PTPRT: variants seen among roughly 807,000 people sequenced by gnomAD.
PTPRT encodes protein tyrosine phosphatase receptor type T.
Under a neutral mutation model 176.8 loss-of-function variants are expected in PTPRT, and 56 were observed. That is an observed-to-expected ratio of 0.32 (90% CI 0.26 to 0.40). The LOEUF is 0.40. Ranked by LOEUF, PTPRT falls within the 10% of genes least tolerant of loss-of-function variation. The pLI, the probability that PTPRT is intolerant of heterozygous loss-of-function variation, is 1.00. For missense variants in PTPRT, 1,540 were observed against 1,908.2 expected, an observed-to-expected ratio of 0.81 and a Z score of 3.60; for synonymous variants, 783 against 739.0, an observed-to-expected ratio of 1.06 and a Z score of -0.96.
chr20:43,057,175 T>C (rs962299704), intron 1 of PTPRT, among the ~76,000 whole-genome samples: 12 of 138,558 alleles, frequency 8.7e-5, no homozygotes, highest in Non-Finnish European at 1.7e-4. Flanking sequence ...TTTGTGGTCA[T>C]GGGTCAGTTC....
intron 1 of PTPRT, among the ~76,000 whole-genome samples, chr20:42,894,367 A>G (rs1356622034): frequency 6.6e-6 from 1 of 152,202 alleles, no homozygotes; most frequent in Non-Finnish European, 1.5e-5. Context: ...ACAGATCCCA[A>G]CTAGATCTGA....
At chr20:42,124,682 T>C (rs150428998) in intron 19 of PTPRT, among the ~76,000 whole-genome samples, 1 of 152,324 alleles carries the variant, frequency 6.6e-6, no homozygotes, top group Non-Finnish European at 1.5e-5. Flanking sequence ...AGTGAGGACC[T>C]AGTTAGCTGT....
chr20:42,799,271 G>A (rs1276326524), intron 2 of PTPRT, among the ~76,000 whole-genome samples: 1 of 151,892 alleles, frequency 6.6e-6, no homozygotes, highest in Non-Finnish European at 1.5e-5. Context: ...GGAGAGAAGA[G>A]GCAAAAGATT....
At chr20:42,180,310 G>T (rs549766539) in intron 16 of PTPRT, among the ~76,000 whole-genome samples, 79 of 151,840 alleles carry the variant, frequency 5.2e-4, no homozygotes, top group Middle Eastern at 3.4e-3. Flanking sequence ...TGCCTTGGGA[G>T]CCTCTAATAG....
chr20:42,118,530 G>C (rs754664143), intron 20 of PTPRT, 30 bp from the exon 21 acceptor site: 54 of 1,569,332 alleles, frequency 3.4e-5, no homozygotes, highest in Non-Finnish European at 4.2e-5. Context: ...TGAGGTTAGA[G>C]AATGCAAGTG....
chr20:42,877,182 C>G (rs1026365199), intron 2 of PTPRT, among the ~76,000 whole-genome samples: 1 of 151,538 alleles, frequency 6.6e-6, no homozygotes, highest in Admixed American at 6.6e-5. Context: ...GGGAGATCAA[C>G]AAGCAAGAAG....
At chr20:42,996,404 TGG>T (rs1263150519) in intron 1 of PTPRT, among the ~76,000 whole-genome samples, 1 of 152,058 alleles carries the variant, frequency 6.6e-6, no homozygotes, top group African/African-American at 2.4e-5. Flanking sequence ...AACCCAAACA[TGG>T]GGTAAAGAAG....
chr20:42,617,675 T>A lies in PTPRT; in HGVS notation c.1153+60191A>T. Among the ~76,000 whole-genome samples, 2 of 139,190 alleles carry A rather than the reference T, an allele frequency of 1.4e-5. 1 individual carries two copies. The highest frequency in any genetic ancestry group is 3.0e-5 in the Non-Finnish European group (2 of 66,078). 91.3% of individuals were successfully genotyped at this position (139,190 alleles called of 152,430 possible). ...TTCCTGGTTTAGTCTTGGGAGGGTGTATGTGTTGAGGAGTTTATCCATTTC... is the reference window on the plus strand; with the variant it reads ...TTCCTGGTTTAGTCTTGGGAGGGTGAATGTGTTGAGGAGTTTATCCATTTC... On this transcript the variant is annotated intron_variant, in intron 7 of 30. Coordinates refer to ENST00000373187, the MANE Select transcript of PTPRT (RefSeq NM_007050.6).
intron 2 of PTPRT, among the ~76,000 whole-genome samples, chr20:42,883,222 T>C (rs2079033890): frequency 6.6e-6 from 1 of 152,154 alleles, no homozygotes; most frequent in Non-Finnish European, 1.5e-5. Context: ...TGGATTAAAG[T>C]CCAAAGAGTT....
chr20:42,211,591 A>C (rs1246337416), intron 15 of PTPRT, among the ~76,000 whole-genome samples: 1 of 148,786 alleles, frequency 6.7e-6, no homozygotes, highest in Non-Finnish European at 1.5e-5. Flanking sequence ...TCAAAACCAC[A>C]ATGAGATACC....
intron 7 of PTPRT, among the ~76,000 whole-genome samples, chr20:42,553,564 G>A (rs1332481476): frequency 6.6e-6 from 1 of 151,728 alleles, no homozygotes; most frequent in Non-Finnish European, 1.5e-5. Context: ...ACAGTTAATA[G>A]TTTTACATTC....
chr20:42,957,262 G>A (rs528036979), intron 1 of PTPRT, among the ~76,000 whole-genome samples: 6 of 152,114 alleles, frequency 3.9e-5, no homozygotes, highest in Non-Finnish European at 7.4e-5. Flanking sequence ...AGCAGTACAC[G>A]GCAAGCCAAT....
chr20:42,139,588 G>T (rs1988528674), intron 18 of PTPRT, among the ~76,000 whole-genome samples: 1 of 152,214 alleles, frequency 6.6e-6, no homozygotes. Context: ...TTCTCCTGGG[G>T]GTATTAACCC....
chr20:43,084,909 G>T (rs1303365805), intron 1 of PTPRT, among the ~76,000 whole-genome samples: 2 of 152,082 alleles, frequency 1.3e-5, no homozygotes, highest in Admixed American at 6.6e-5. Flanking sequence ...TAAGCAACAG[G>T]TATTTGCTTT....
chr20:42,218,790 T>C (rs2146777501), intron 15 of PTPRT, among the ~76,000 whole-genome samples: 1 of 152,344 alleles, frequency 6.6e-6, no homozygotes, highest in South Asian at 2.1e-4. Flanking sequence ...AAGAGTGGCC[T>C]AGCACCCTGG....
chr20:42,938,196 G>T (rs1980315187), intron 1 of PTPRT, among the ~76,000 whole-genome samples: 2 of 152,156 alleles, frequency 1.3e-5, no homozygotes, highest in South Asian at 4.1e-4. Context: ...GAGGGGGAAG[G>T]TTGGGTAGCT....
chr20:42,681,451 G>C (rs909704804), intron 6 of PTPRT, among the ~76,000 whole-genome samples: 1 of 152,194 alleles, frequency 6.6e-6, no homozygotes, highest in African/African-American at 2.4e-5. Context: ...AGCTCTTGCA[G>C]AGAGCACTTA....
intron 8 of PTPRT, among the ~76,000 whole-genome samples, chr20:42,465,151 A>C (rs2071083062): frequency 6.6e-6 from 1 of 152,082 alleles, no homozygotes; most frequent in Non-Finnish European, 1.5e-5. Flanking sequence ...AGAAAAAAAA[A>C]CACTCTTTGC....
chr20:42,743,751 C>G (rs549247301), intron 6 of PTPRT, among the ~76,000 whole-genome samples: 5 of 152,206 alleles, frequency 3.3e-5, no homozygotes, highest in Non-Finnish European at 5.9e-5. Context: ...AACAATACAA[C>G]GTGAGCATAC....
Sources: gnomAD v4.1 joint callset for allele counts (sites outside exome capture counted in the v4.1 genomes callset) on GRCh38, gnomAD v4.1.1 for gene constraint, MANE v1.5 for transcripts, NCBI Gene and HGNC (gene_info 2026-07-23, HGNC 2026-07-21) for gene names.